Variants in RBMS3 observed in about 807,000 individuals in gnomAD.
The protein encoded by RBMS3 is RNA binding motif single stranded interacting protein 3, also known as RNA-binding motif, single-stranded-interacting protein 3.
RBMS3 carries 27 observed loss-of-function variants against 66.8 expected under a neutral mutation model. The observed-to-expected ratio is 0.40, with a 90% CI of 0.30 to 0.56. The LOEUF is 0.56. Ranked by LOEUF, RBMS3 falls within the 20% of genes least tolerant of loss-of-function variation. The probability of loss-of-function intolerance (pLI) is 0.40; values close to 1 mark genes in which losing one functional copy is unlikely to be tolerated. For missense variants in RBMS3, 513 were observed against 549.5 expected, an observed-to-expected ratio of 0.93 and a Z score of 0.66; for synonymous variants, 188 against 183.0, an observed-to-expected ratio of 1.03 and a Z score of -0.22.
chr3:29,751,295 A>T (rs933321775), intron 5 of RBMS3, among the ~76,000 whole-genome samples: 1 of 152,218 alleles, frequency 6.6e-6, no homozygotes, highest in Non-Finnish European at 1.5e-5. Flanking sequence ...CATTATGACC[A>T]AATCTGTCCA....
chr3:29,338,241 T>TC (rs1308662034), intron 1 of RBMS3, among the ~76,000 whole-genome samples: 1 of 152,192 alleles, frequency 6.6e-6, no homozygotes, highest in Non-Finnish European at 1.5e-5. Flanking sequence ...AAGTATCAAT[T>TC]CTAGCATCTT....
At chr3:29,435,610 A>C (rs946361658) in intron 2 of RBMS3, among the ~76,000 whole-genome samples, 2 of 152,208 alleles carry the variant, frequency 1.3e-5, no homozygotes, top group Admixed American at 6.5e-5. Context: ...AACATATTTA[A>C]GTTCACCTTC....
chr3:29,560,350 G>A (rs73831605), intron 3 of RBMS3, among the ~76,000 whole-genome samples: 2,169 of 152,172 alleles, frequency 0.014, 44 homozygotes, highest in African/African-American at 0.05. Flanking sequence ...ATTTCTTATG[G>A]TCCTTTATGT....
chr3:29,532,246 GTATATATATATATATGTA>G (rs1400699525), intron 3 of RBMS3, among the ~76,000 whole-genome samples: 5 of 88,992 alleles, frequency 5.6e-5, no homozygotes, highest in South Asian at 3.4e-4. Flanking sequence ...GCATATATAT[GTATATATATATATATGTA>G]TATATATATA....
At chr3:29,319,600 T>C (rs12485903) in intron 1 of RBMS3, among the ~76,000 whole-genome samples, 1 of 152,046 alleles carries the variant, frequency 6.6e-6, no homozygotes, top group African/African-American at 2.4e-5. Flanking sequence ...ACCATGTCTA[T>C]AGATATTATT....
intron 3 of RBMS3, among the ~76,000 whole-genome samples, chr3:29,524,175 G>A (rs984797496): frequency 3.3e-5 from 5 of 152,096 alleles, no homozygotes; most frequent in Non-Finnish European, 5.9e-5. Context: ...TGAAGAAACA[G>A]GTTCATATAC....
At chr3:29,873,120 A>T (rs1208508560) in intron 7 of RBMS3, among the ~76,000 whole-genome samples, 1 of 151,920 alleles carries the variant, frequency 6.6e-6, no homozygotes, top group African/African-American at 2.4e-5. Context: ...GTTTTTTTCT[A>T]GTTCTGTGAA....
chr3:29,649,986 A>T (rs1270056909), intron 4 of RBMS3, among the ~76,000 whole-genome samples: 1 of 152,162 alleles, frequency 6.6e-6, no homozygotes, highest in Non-Finnish European at 1.5e-5. Flanking sequence ...ATTCGGAAGG[A>T]CTGATTCCCT....
chr3:29,550,609 C>A (rs111815499), intron 3 of RBMS3, among the ~76,000 whole-genome samples: 8 of 151,728 alleles, frequency 5.3e-5, no homozygotes, highest in African/African-American at 1.9e-4. Context: ...ATATAGTATA[C>A]AGTATTATAG....
chr3:29,358,204 T>C (rs1192062696), intron 1 of RBMS3, among the ~76,000 whole-genome samples: 1 of 152,246 alleles, frequency 6.6e-6, no homozygotes, highest in African/African-American at 2.4e-5. Context: ...CTTTAATCCA[T>C]CTTGAATTAA....
At chr3:29,937,534 T>C (rs912439506) in intron 11 of RBMS3, among the ~76,000 whole-genome samples, 5 of 152,002 alleles carry the variant, frequency 3.3e-5, no homozygotes, top group African/African-American at 1.2e-4. Flanking sequence ...AAGAGCCACA[T>C]TCTTTCAATA....
chr3:29,375,848 G>T (rs2038435959), intron 1 of RBMS3, among the ~76,000 whole-genome samples: 1 of 152,054 alleles, frequency 6.6e-6, no homozygotes, highest in African/African-American at 2.4e-5. Flanking sequence ...ATCCCATTTG[G>T]TATATATCCA....
intron 1 of RBMS3, among the ~76,000 whole-genome samples, chr3:29,395,295 C>A (rs2039495482): frequency 6.6e-6 from 1 of 152,154 alleles, no homozygotes. Flanking sequence ...ACTGACAATA[C>A]CCACAAGGAT....
At chr3:29,652,190 T>C (rs2050168106) in intron 4 of RBMS3, among the ~76,000 whole-genome samples, 1 of 152,124 alleles carries the variant, frequency 6.6e-6, no homozygotes, top group African/African-American at 2.4e-5. Flanking sequence ...ACCTGTGAAA[T>C]GTACAGAGAT....
rs80227172 is a variant in RBMS3 at position 29,514,150 on chromosome 3, G to T, written c.307+25651G>T. 1.8e-3 allele frequency among the ~76,000 whole-genome samples: 281 copies of T among 152,102 alleles called. 1 individual carries two copies. The East Asian group carries it at 0.031, about 17-fold the overall frequency. ...GTAAAACATAGAGTATGTAAGGAAG[G>T]GATTATTACACACTTTAAAAAATCA... On this transcript the variant is annotated intron_variant, in intron 3 of 14. Coordinates refer to ENST00000383767, the MANE Select transcript of RBMS3 (RefSeq NM_001003793.3).
chr3:29,481,593 G>T (rs1469696990), intron 2 of RBMS3, among the ~76,000 whole-genome samples: 1 of 152,172 alleles, frequency 6.6e-6, no homozygotes, highest in Non-Finnish European at 1.5e-5. Flanking sequence ...AAGCATATGG[G>T]AAGGTAGTGG....
intron 5 of RBMS3, among the ~76,000 whole-genome samples, chr3:29,743,164 A>C (rs2054716816): frequency 6.6e-6 from 1 of 152,194 alleles, no homozygotes. Flanking sequence ...CTACTTCCCT[A>C]TAACATTGGC....
chr3:29,475,919 T>C (rs1330977335), intron 2 of RBMS3, among the ~76,000 whole-genome samples: 1 of 152,194 alleles, frequency 6.6e-6, no homozygotes. Context: ...CAACATTACA[T>C]CCTTCCTGGC....
chr3:29,437,765 GT>G (rs1210468548), intron 2 of RBMS3, among the ~76,000 whole-genome samples: 1 of 152,052 alleles, frequency 6.6e-6, no homozygotes. Context: ...CTTAACGTTG[GT>G]TTCCCCCATA....
Sources: gnomAD v4.1 joint callset for allele counts (sites outside exome capture counted in the v4.1 genomes callset) on GRCh38, gnomAD v4.1.1 for gene constraint, MANE v1.5 for transcripts, NCBI Gene and HGNC (gene_info 2026-07-23, HGNC 2026-07-21) for gene names.